GCC2: variants seen among roughly 807,000 people sequenced by gnomAD.
GCC2 encodes the protein GRIP and coiled-coil domain containing 2, also known as GRIP and coiled-coil domain-containing protein 2.
Under a neutral mutation model 210.6 loss-of-function variants are expected in GCC2, and 120 were observed. The ratio of observed to expected loss-of-function variants is 0.57; its 90% CI spans 0.49 to 0.66. The LOEUF (loss-of-function observed/expected upper bound fraction) is 0.66. Ranked by LOEUF, GCC2 falls within the 30% of genes least tolerant of loss-of-function variation. The pLI is 0.00. For missense variants in GCC2, 1,868 were observed against 1,871.9 expected, an observed-to-expected ratio of 1.00 and a Z score of 0.04; for synonymous variants, 703 against 652.7, an observed-to-expected ratio of 1.08 and a Z score of -1.17.
chr2:108,489,308 G>A (rs1296953321), intron 17 of GCC2, among the ~76,000 whole-genome samples: 1 of 152,210 alleles, frequency 6.6e-6, no homozygotes, highest in African/African-American at 2.4e-5. Flanking sequence ...CTGAGGTCAG[G>A]AGATCAAGAC....
intron 17 of GCC2, 80 bp downstream of exon 17, chr2:108,487,900 ATTTTTT>A (rs1008834430): frequency 1.8e-4 from 114 of 647,794 alleles, no homozygotes; most frequent in Middle Eastern, 5.0e-4. Flanking sequence ...TCCTATTATG[ATTTTTT>A]TTTTTTTTTT....
chr2:108,497,617 T>C (rs1573233507), intron 21 of GCC2, among the ~76,000 whole-genome samples: 1 of 152,220 alleles, frequency 6.6e-6, no homozygotes, highest in African/African-American at 2.4e-5. Flanking sequence ...TTTATAGTAC[T>C]GAACTACTAA....
At position 108,507,747 on chromosome 2, in the gene GCC2, T is replaced by C; in HGVS notation, c.*117T>C. ...GTATATATGTTTGCATCTACATATA[T>C]TTGTACATCTATATGACAGATGTAT... On this transcript the variant is annotated 3_prime_UTR_variant, in exon 23 of 23. Coordinates refer to ENST00000309863, the MANE Select transcript of GCC2 (RefSeq NM_181453.4). The C allele has an allele frequency of 1.4e-6, 1 of 731,434 alleles. No homozygotes were observed. The highest frequency in any genetic ancestry group is 2.3e-6 in the Non-Finnish European group (1 of 430,840). 45.3% of individuals were successfully genotyped at this position (731,434 alleles called of 1,614,324 possible).
intron 21 of GCC2, among the ~76,000 whole-genome samples, chr2:108,498,333 C>T (rs561010704): frequency 6.6e-6 from 1 of 151,118 alleles, no homozygotes; most frequent in South Asian, 2.1e-4. Context: ...GTAGCTGGGA[C>T]TGCAGGCACG....
At chr2:108,499,088 T>C (rs1331244600) in intron 21 of GCC2, among the ~76,000 whole-genome samples, 1 of 118,870 alleles carries the variant, frequency 8.4e-6, no homozygotes, top group Non-Finnish European at 1.8e-5. Context: ...TCCTCGTCAG[T>C]GATACTTGGT....
chr2:108,482,258 T>A (rs747677029), intron 10 of GCC2, 29 bp from the exon 11 acceptor site: 1 of 1,397,936 alleles, frequency 7.2e-7, no homozygotes. Context: ...TTTTGCATGT[T>A]TATAGTAATG....
At chr2:108,453,874 C>T (rs1680098021) in intron 4 of GCC2, among the ~76,000 whole-genome samples, 1 of 151,974 alleles carries the variant, frequency 6.6e-6, no homozygotes, top group South Asian at 2.1e-4. Flanking sequence ...CATTCCCTCA[C>T]TTTCATTGCC....
intron 15 of GCC2, 83 bp from the exon 16 acceptor site, chr2:108,486,428 C>T (rs1249127418): frequency 7.4e-7 from 1 of 1,357,636 alleles, no homozygotes; most frequent in Admixed American, 1.7e-5. Flanking sequence ...ATGTCTCAAA[C>T]CTAAAGTTTG....
chr2:108,482,447 T>TA lies in GCC2; in HGVS notation c.3344dup (p.Glu1116GlyfsTer8). ...GAAAAACTTCAGAAAGAACAGAAGA[T>TA]AAAGGTAAAAACAATCCTATGAGAT... On this transcript the variant is annotated frameshift_variant, in exon 11 of 23. Coordinates refer to ENST00000309863, the MANE Select transcript of GCC2 (RefSeq NM_181453.4). LOFTEE classifies it high-confidence loss of function. The TA allele has an allele frequency of 6.6e-7, 1 of 1,508,046 alleles. No individual in the cohort carries two copies. Among genetic ancestry groups the TA allele is most frequent in the Non-Finnish European group, 9.2e-7 (1 of 1,091,454 alleles). The allele number at this position is 1,508,046 out of a possible 1,614,324, so 93.4% of individuals were successfully genotyped here. A position where few individuals can be genotyped will look rare whatever the true frequency, so the allele number is the denominator to read the frequency against.
chr2:108,473,578 T>C (rs945171098), intron 7 of GCC2, among the ~76,000 whole-genome samples: 2 of 152,124 alleles, frequency 1.3e-5, no homozygotes, highest in Non-Finnish European at 2.9e-5. Flanking sequence ...GGATAGCTCT[T>C]TTATTCCCAT....
chr2:108,472,020 A>G lies in GCC2; in HGVS notation c.2691A>G (p.Glu897=), dbSNP rs1178798839. Residue 897 remains glutamate, a synonymous_variant, in exon 6 of 23, where the codon GAA becomes GAG. Transcript: ENST00000309863. ...GTAGCAAAAGTGAAATCCATAATGA[A>G]AAAGAAAAATGTTTTATAAAGGAAC... ...QTCSKSEIHN[E]KEKCFIKEHE... 1.3e-6 allele frequency: 2 copies of G among 1,596,142 alleles called. No homozygotes were observed. The highest frequency in any genetic ancestry group is 1.7e-6 in the Non-Finnish European group (2 of 1,174,738).
intron 22 of GCC2, 96 bp from the exon 23 acceptor site, chr2:108,507,464 G>A (rs921533156): frequency 4.9e-5 from 48 of 971,290 alleles, no homozygotes; most frequent in African/African-American, 7.2e-5. Context: ...TGCTTATATT[G>A]TAGAGTGATT....
chr2:108,491,754 T>G (rs1682411483), intron 18 of GCC2, among the ~76,000 whole-genome samples: 1 of 151,868 alleles, frequency 6.6e-6, no homozygotes, highest in African/African-American at 2.4e-5. Context: ...GGATCCCCTG[T>G]ATAAAAGGAA....
chr2:108,451,598 C>G (rs950427758), intron 3 of GCC2, among the ~76,000 whole-genome samples: 3 of 130,580 alleles, frequency 2.3e-5, no homozygotes, highest in Non-Finnish European at 5.1e-5. Flanking sequence ...GGAAAAAGAT[C>G]TTAGCACCTT....
At chr2:108,463,915 A>G (rs1230845479) in intron 4 of GCC2, among the ~76,000 whole-genome samples, 5 of 152,170 alleles carry the variant, frequency 3.3e-5, no homozygotes, top group Admixed American at 3.3e-4. Context: ...CAGCAGGTTA[A>G]GTGGGCCCTA....
chr2:108,466,549 T>C (rs1680900873), intron 4 of GCC2, among the ~76,000 whole-genome samples: 1 of 152,058 alleles, frequency 6.6e-6, no homozygotes, highest in African/African-American at 2.4e-5. Flanking sequence ...CCCAGCTTAT[T>C]GCAAGCTCCA....
chr2:108,456,673 A>G (rs180838644), intron 4 of GCC2, among the ~76,000 whole-genome samples: 16 of 152,138 alleles, frequency 1.1e-4, no homozygotes, highest in Admixed American at 7.9e-4. Flanking sequence ...TTCTTTTGCT[A>G]TGCAGAAGCT....
At chr2:108,453,623 A>G (rs766715241) in intron 4 of GCC2, among the ~76,000 whole-genome samples, 5 of 152,126 alleles carry the variant, frequency 3.3e-5, no homozygotes, top group Admixed American at 6.5e-5. Context: ...TGTCTGTACT[A>G]AAAATACAAC....
chr2:108,456,444 T>C (rs1327557088), intron 4 of GCC2, among the ~76,000 whole-genome samples: 1 of 152,244 alleles, frequency 6.6e-6, no homozygotes, highest in East Asian at 1.9e-4. Context: ...TCCCTGATGA[T>C]TAGTGATATT....
Sources: gnomAD v4.1 joint callset for allele counts (sites outside exome capture counted in the v4.1 genomes callset) on GRCh38, gnomAD v4.1.1 for gene constraint, MANE v1.5 for transcripts, NCBI Gene and HGNC (gene_info 2026-07-23, HGNC 2026-07-21) for gene names.